Variants in ZNF484 observed in about 807,000 individuals in gnomAD.
The protein encoded by ZNF484 is KRAB box containing C2H2 type zinc finger bA526D8.4.
In ZNF484, 11 loss-of-function variants were observed where a neutral mutation model predicts 12.9. The observed-to-expected ratio is 0.85, with a 90% CI of 0.54 to 1.41. The LOEUF (loss-of-function observed/expected upper bound fraction) is 1.41. ZNF484 is among the 40% of genes most tolerant of loss of function. ZNF484 has a pLI of 0.00. For missense variants in ZNF484, 807 were observed against 1,007.7 expected (o/e 0.80, Z 2.70); for synonymous variants, 289 against 334.1 (o/e 0.86, Z 1.47).
rs2131577744 is a variant in ZNF484, at chr9:92,844,302, G to T, written c.*1926C>A. The stretch of plus-strand genomic sequence containing the variant: ...ATTAGAAAACAGGCCAACAGAACTG[G>T]GTAATAAGGTTATCCCTAAAAGAAA... On this transcript the variant is annotated 3_prime_UTR_variant, in exon 5 of 5. Coordinates refer to ENST00000375495, the MANE Select transcript of ZNF484 (RefSeq NM_031486.4). 1.3e-5 allele frequency among the ~76,000 whole-genome samples: 2 copies of T among 152,200 alleles called. 1 individual carries two copies. The highest frequency in any genetic ancestry group is 4.1e-4 in the South Asian group (2 of 4,822).
rs749762451 is a variant in ZNF484 at position 92,848,061 on chromosome 9, CTGT to C, written c.723_725del (p.Gln242del). On this transcript the variant is annotated inframe_deletion, in exon 5 of 5. Coordinates refer to ENST00000375495, the MANE Select transcript of ZNF484 (RefSeq NM_031486.4). The surrounding 1 kb of genome is among the most constrained non-coding windows in gnomAD (Gnocchi z 4.1). ...AGAGGCTCTCTCTAGTATGAATTTT[CTGT>C]TGTTGAATGAGAGCTTGCTTATGAT... 5.6e-6 allele frequency: 9 copies of C among 1,614,174 alleles called. No homozygotes were observed. In the South Asian group the frequency reaches 9.9e-5, roughly 18 times the overall value.
chr9:92,861,299 G>C (rs1856768083), intron 2 of ZNF484, among the ~76,000 whole-genome samples: 2 of 152,116 alleles, frequency 1.3e-5, no homozygotes, highest in African/African-American at 4.8e-5. Flanking sequence ...AATCAAATGA[G>C]AAAAGAGCAT....
At chr9:92,874,208 C>G (rs1430330686) in intron 2 of ZNF484, among the ~76,000 whole-genome samples, 1 of 152,168 alleles carries the variant, frequency 6.6e-6, no homozygotes, top group East Asian at 1.9e-4. Context: ...CATCCCATAG[C>G]TACTAAATCA....
chr9:92,864,029 A>G (rs1212211729), intron 2 of ZNF484, among the ~76,000 whole-genome samples: 2 of 152,174 alleles, frequency 1.3e-5, no homozygotes, highest in Admixed American at 1.3e-4. Flanking sequence ...GTATGTGGGG[A>G]TTAGTTGATG....
At position 92,874,843 on chromosome 9, in the gene ZNF484, C is replaced by T. The variant is rs139152208; in HGVS notation, c.15+172G>A. Among the ~76,000 whole-genome samples, 9 of 152,194 alleles carry T rather than the reference C, an allele frequency of 5.9e-5. No individual in the cohort carries two copies. In the East Asian group the frequency reaches 1.7e-3, roughly 29 times the overall value. On this transcript the variant is annotated intron_variant, in intron 2 of 4. Transcript: ENST00000375495. Reference sequence around the variant, plus strand: ...GTTCAAAGTTCATGACTGTGTAAGACCATATATTCTAAACTTGACTTGGGG... The same window carrying T: ...GTTCAAAGTTCATGACTGTGTAAGATCATATATTCTAAACTTGACTTGGGG...
chr9:92,877,630 A>G (rs1857907861), intron 1 of ZNF484, among the ~76,000 whole-genome samples: 1 of 151,862 alleles, frequency 6.6e-6, no homozygotes, highest in African/African-American at 2.4e-5. Flanking sequence ...ATCCTCCCCC[A>G]CAACCCCACA....
At chr9:92,872,713 T>A (rs530602221) in intron 2 of ZNF484, among the ~76,000 whole-genome samples, 2 of 152,102 alleles carry the variant, frequency 1.3e-5, no homozygotes, top group African/African-American at 4.8e-5. Context: ...TACTGCCCTC[T>A]TGACACCTTG....
intron 2 of ZNF484, among the ~76,000 whole-genome samples, chr9:92,869,553 TC>T (rs1163129498): frequency 2.6e-5 from 4 of 152,156 alleles, no homozygotes; most frequent in African/African-American, 9.7e-5. Context: ...TGAAACCCCA[TC>T]TCTACTAAAT....
At chr9:92,854,567 A>T (rs1456507469) in intron 4 of ZNF484, among the ~76,000 whole-genome samples, 8 of 152,176 alleles carry the variant, frequency 5.3e-5, no homozygotes, top group African/African-American at 1.9e-4. Flanking sequence ...CATACAAAAA[A>T]TTAGCTGGGT....
At chr9:92,876,763 C>A (rs1857840431) in intron 1 of ZNF484, among the ~76,000 whole-genome samples, 1 of 152,040 alleles carries the variant, frequency 6.6e-6, no homozygotes, top group Non-Finnish European at 1.5e-5. Flanking sequence ...AGCAAAAAAG[C>A]ACATATAACT....
chr9:92,850,865 G>A (rs1173763985), intron 4 of ZNF484, among the ~76,000 whole-genome samples: 1 of 152,178 alleles, frequency 6.6e-6, no homozygotes, highest in African/African-American at 2.4e-5. Context: ...CCAAAGTGCT[G>A]GGATTACAGG....
chr9:92,846,881 A>T lies in ZNF484; in HGVS notation c.1906T>A (p.Tyr636Asn). Residue 636 changes from tyrosine (Y) to asparagine (N), a missense_variant, in exon 5 of 5, where the codon TAT becomes AAT. Tyr to Asn is a moderately radical substitution (Grantham distance 143). Coordinates refer to ENST00000375495, the MANE Select transcript of ZNF484 (RefSeq NM_031486.4). ...HQQIHTGEKP[Y>N]RCAECGKAFT... ...GCCTTTCCACATTCAGCACACCTAT[A>T]GGGTTTCTCTCCTGTGTGAATCTGC... 6.2e-7 allele frequency: 1 copy of T among 1,613,982 alleles called. No homozygotes were observed. The highest frequency in any genetic ancestry group is 8.5e-7 in the Non-Finnish European group (1 of 1,179,996).
chr9:92,860,777 C>G (rs1278624417), intron 2 of ZNF484, among the ~76,000 whole-genome samples: 2 of 151,960 alleles, frequency 1.3e-5, no homozygotes, highest in Admixed American at 6.6e-5. Flanking sequence ...GAGGTAGCAC[C>G]CCTCTTGCCT....
At chr9:92,858,206 G>T (rs1322248515) in intron 2 of ZNF484, among the ~76,000 whole-genome samples, 1 of 152,094 alleles carries the variant, frequency 6.6e-6, no homozygotes, top group African/African-American at 2.4e-5. Flanking sequence ...TTATAATAAA[G>T]AATCAAATGA....
At chr9:92,854,283 G>A (rs1856295342) in intron 4 of ZNF484, among the ~76,000 whole-genome samples, 1 of 152,216 alleles carries the variant, frequency 6.6e-6, no homozygotes, top group Non-Finnish European at 1.5e-5. Context: ...GGGTAGGGAT[G>A]TGGGGAACTA....
rs1003510381 is a variant in ZNF484 at position 92,844,421 on chromosome 9, G to GCA, written c.*1805_*1806dup. Among the ~76,000 whole-genome samples the GCA allele has an allele frequency of 1.3e-5, 2 of 151,904 alleles. No individual in the cohort carries two copies. The highest frequency in any genetic ancestry group is 6.6e-5 in the Admixed American group (1 of 15,230). On this transcript the variant is annotated 3_prime_UTR_variant, in exon 5 of 5. Transcript: ENST00000375495. ...TGTGCACACACGTACACGCACACGT[G>GCA]CACACACACACCCCAAAACCACTAA... is the stretch of plus-strand genomic sequence containing the variant.
Position 92,845,107 on chromosome 9 carries a change from T to C in ZNF484, c.*1121A>G, listed in dbSNP as rs1855507346. 6.6e-6 allele frequency: 1 copy of C among 152,104 alleles called. No individual in the cohort carries two copies. 9.4% of individuals were successfully genotyped at this position (152,104 alleles called of 1,614,324 possible). A position where few individuals can be genotyped will look rare whatever the true frequency, so the allele number is the denominator to read the frequency against. Reference sequence around the variant, plus strand: ...ATTTAAGGCAAAAAATTACTAGAGATAAAAAGAAACATCTAATAATGATAA... The same window carrying C: ...ATTTAAGGCAAAAAATTACTAGAGACAAAAAGAAACATCTAATAATGATAA... On this transcript the variant is annotated 3_prime_UTR_variant, in exon 5 of 5. Coordinates refer to ENST00000375495, the MANE Select transcript of ZNF484 (RefSeq NM_031486.4). The surrounding 1 kb of genome is among the most constrained non-coding windows in gnomAD (Gnocchi z 4.0).
intron 1 of ZNF484, 133 bp downstream of exon 1, chr9:92,877,757 A>G: frequency 6.5e-7 from 1 of 1,533,632 alleles, no homozygotes; most frequent in South Asian, 1.2e-5. Flanking sequence ...CCTCCCTCAG[A>G]TCCACCATCA....
At chr9:92,874,254 C>G (rs1857642875) in intron 2 of ZNF484, among the ~76,000 whole-genome samples, 1 of 151,924 alleles carries the variant, frequency 6.6e-6, no homozygotes, top group South Asian at 2.1e-4. Context: ...GTGTCAGAAG[C>G]ACTGTTCTAT....
Sources: allele counts gnomAD v4.1 joint callset (sites outside exome capture counted in the v4.1 genomes callset), GRCh38; gene constraint gnomAD v4.1.1; non-coding constraint Gnocchi (gnomAD v3.1); transcripts MANE v1.5; gene names NCBI Gene and HGNC (gene_info 2026-07-23, HGNC 2026-07-21).